The following TRPC5 variants were observed in gnomAD, a reference collection of about 807,000 sequenced individuals.
TRPC5 encodes the protein short transient receptor potential channel 5.
In TRPC5, 9 loss-of-function variants were observed where a neutral mutation model predicts 56.5. The observed-to-expected ratio is 0.16, with a 90% CI of 0.10 to 0.28. The LOEUF is 0.28. TRPC5 is among the 10% of genes least tolerant of loss of function. The probability of loss-of-function intolerance (pLI) is 1.00; values close to 1 mark genes in which losing one functional copy is unlikely to be tolerated. For synonymous variants in TRPC5, 282 were observed against 278.5 expected (o/e 1.01, Z -0.13); for missense variants, 469 against 748.9 (o/e 0.63, Z 4.36).
At chrX:111,881,069 C>T (rs1924190120) in intron 3 of TRPC5, among the ~76,000 whole-genome samples, 1 of 112,062 alleles carries the variant, frequency 8.9e-6, no homozygotes, top group South Asian at 3.7e-4. Flanking sequence ...TGGGCAAAAC[C>T]TGTAGATTCA....
intron 1 of TRPC5, among the ~76,000 whole-genome samples, chrX:112,075,324 C>T (rs1431430862): frequency 1.8e-5 from 2 of 111,998 alleles, no homozygotes; most frequent in Non-Finnish European, 3.8e-5. Context: ...ACAAGCTGCG[C>T]AATGTTAAAC....
chrX:111,896,353 A>G (rs1007418957), intron 3 of TRPC5: 1 of 103,076 alleles, frequency 9.7e-6, no homozygotes, highest in African/African-American at 3.8e-5. Context: ...CGATTTCGCA[A>G]TTTATCTTTT....
At chrX:111,783,362 T>G (rs1010747173) in intron 7 of TRPC5, among the ~76,000 whole-genome samples, 9 of 111,852 alleles carry the variant, frequency 8.0e-5, no homozygotes, top group African/African-American at 2.9e-4. Flanking sequence ...GTGTTTATAA[T>G]AAAATGCCAA....
At chrX:111,817,460 G>A in intron 7 of TRPC5, among the ~76,000 whole-genome samples, 1 of 108,730 alleles carries the variant, frequency 9.2e-6, no homozygotes, top group Non-Finnish European at 1.9e-5. Context: ...CCAGTAGCTG[G>A]GATTCCAGGC....
At chrX:111,834,406 C>T (rs868821401) in intron 7 of TRPC5, among the ~76,000 whole-genome samples, 2 of 111,721 alleles carry the variant, frequency 1.8e-5, no homozygotes, top group Non-Finnish European at 3.8e-5. Flanking sequence ...GCCTGGGCAA[C>T]ATATCAGGAG....
rs370371897 is a variant in TRPC5, at chrX:111,937,130, C to T, written c.378+14913G>A. Among the ~76,000 whole-genome samples the T allele has an allele frequency of 2.0e-3, 217 of 106,120 alleles. 4 individuals are homozygous for T. The East Asian group carries it at 0.046, about 22-fold the overall frequency. The allele number at this position is 106,120 out of a possible 115,157, so 92.2% of individuals were successfully genotyped here. A position where few individuals can be genotyped will look rare whatever the true frequency, so the allele number is the denominator to read the frequency against. ...CATTTTTTCATGTGTTTTTTGGCTG[C>T]ATAAATGTCTTCTTTTGAGAAGTGT... On this transcript the variant is annotated intron_variant, in intron 2 of 10. Coordinates refer to ENST00000262839, the MANE Select transcript of TRPC5 (RefSeq NM_012471.3).
intron 1 of TRPC5, among the ~76,000 whole-genome samples, chrX:112,018,692 T>A (rs1929191547): frequency 8.9e-6 from 1 of 112,394 alleles, no homozygotes; most frequent in African/African-American, 3.2e-5. Context: ...TAAAATAGCA[T>A]AAACGTATTA....
At chrX:112,061,470 G>A (rs1930457688) in intron 1 of TRPC5, among the ~76,000 whole-genome samples, 1 of 111,836 alleles carries the variant, frequency 8.9e-6, no homozygotes, top group Non-Finnish European at 1.9e-5. Context: ...GACCATATTA[G>A]TCTTCAGATC....
intron 3 of TRPC5, chrX:111,876,307 A>C (rs950332353): frequency 9.0e-6 from 1 of 111,325 alleles, no homozygotes; most frequent in African/African-American, 3.3e-5. Context: ...ACCACTTGCA[A>C]GTCTATGAGA....
chrX:112,026,797 G>A (rs758443155), intron 1 of TRPC5, among the ~76,000 whole-genome samples: 2 of 110,175 alleles, frequency 1.8e-5, no homozygotes, highest in South Asian at 3.9e-4. Context: ...TCTTAATGGC[G>A]GTGATTGTGT....
rs868523614 is a variant in TRPC5, at chrX:111,807,954, C to G, written c.1897-25816G>C. 9.3e-4 allele frequency among the ~76,000 whole-genome samples: 79 copies of G among 85,395 alleles called. 1 individual carries two copies. The highest frequency in any genetic ancestry group is 5.1e-3 in the African/African-American group (66 of 13,023). 74.2% of individuals were successfully genotyped at this position (85,395 alleles called of 115,157 possible). Reference sequence around the variant, plus strand: ...ACAAATGGAGTCTCTCTCTCTCTCTCTCTGTGTGTGTGTGTGTGTGTGTGT... The same window carrying G: ...ACAAATGGAGTCTCTCTCTCTCTCTGTCTGTGTGTGTGTGTGTGTGTGTGT... On this transcript the variant is annotated intron_variant, in intron 7 of 10. Transcript: ENST00000262839.
intron 1 of TRPC5, among the ~76,000 whole-genome samples, chrX:112,018,990 C>T (rs951235527): frequency 1.8e-5 from 2 of 112,541 alleles, no homozygotes; most frequent in Non-Finnish European, 3.7e-5. Context: ...GATCCTGTCT[C>T]TCTGACTTCC....
chrX:111,793,975 T>C, intron 7 of TRPC5, among the ~76,000 whole-genome samples: 1 of 111,689 alleles, frequency 9.0e-6, no homozygotes, highest in Non-Finnish European at 1.9e-5. Flanking sequence ...ATTCTATGAT[T>C]CAATTTCTAT....
chrX:111,902,365 T>C, intron 3 of TRPC5: 1 of 342,125 alleles, frequency 2.9e-6, no homozygotes, highest in Admixed American at 5.5e-5. Flanking sequence ...TGGTCTTTTT[T>C]CATCTTTGTT....
At chrX:111,799,673 T>C (rs1461863619) in intron 7 of TRPC5, among the ~76,000 whole-genome samples, 2 of 111,730 alleles carry the variant, frequency 1.8e-5, no homozygotes, top group Non-Finnish European at 3.8e-5. Context: ...AGTAAATTCC[T>C]GCTAGAGAAA....
At chrX:111,914,945 G>T (rs1050972500) in intron 2 of TRPC5, among the ~76,000 whole-genome samples, 1 of 111,180 alleles carries the variant, frequency 9.0e-6, no homozygotes, top group Non-Finnish European at 1.9e-5. Context: ...CTCTGTCAGG[G>T]TCTAAAAGTG....
intron 2 of TRPC5, among the ~76,000 whole-genome samples, chrX:111,943,538 T>C (rs1926837820): frequency 8.9e-6 from 1 of 112,376 alleles, no homozygotes; most frequent in Non-Finnish European, 1.9e-5. Context: ...AATTTTAATT[T>C]TGAGCCATCT....
intron 3 of TRPC5, among the ~76,000 whole-genome samples, chrX:111,886,663 C>A (rs969412942): frequency 9.0e-5 from 10 of 111,541 alleles, no homozygotes; most frequent in African/African-American, 3.3e-4. Flanking sequence ...TCTGGATATA[C>A]CCCTGGTATA....
chrX:111,912,934 A>G (rs990425744), intron 2 of TRPC5, 122 bp from the exon 3 acceptor site: 1 of 701,284 alleles, frequency 1.4e-6, no homozygotes, highest in Non-Finnish European at 2.1e-6. Context: ...AATTCTTTTG[A>G]CCTCCTAAAC....
Sources: allele counts gnomAD v4.1 joint callset (sites outside exome capture counted in the v4.1 genomes callset), GRCh38; gene constraint gnomAD v4.1.1; transcripts MANE v1.5; gene names NCBI Gene and HGNC (gene_info 2026-07-23, HGNC 2026-07-21).